TANC2: variants seen among roughly 807,000 people sequenced by gnomAD.
TANC2 encodes the protein protein TANC2.
Under a neutral mutation model 210.5 loss-of-function variants are expected in TANC2, and 26 were observed. The ratio of observed to expected loss-of-function variants is 0.12; its 90% CI spans 0.09 to 0.17. The LOEUF (loss-of-function observed/expected upper bound fraction) is 0.17. Ranked by LOEUF, TANC2 falls within the 10% of genes least tolerant of loss-of-function variation. The pLI is 1.00. For missense variants in TANC2, 2,129 were observed against 2,608.9 expected (o/e 0.82, Z 4.01); for synonymous variants, 931 against 967.1 (o/e 0.96, Z 0.69).
chr17:63,244,767 A>G (rs1027888831), intron 8 of TANC2, among the ~76,000 whole-genome samples: 1 of 152,242 alleles, frequency 6.6e-6, no homozygotes, highest in African/African-American at 2.4e-5. Context: ...TTTGAATCAT[A>G]GCTCCCACAA....
At chr17:63,190,326 C>T (rs181204960) in intron 5 of TANC2, among the ~76,000 whole-genome samples, 32 of 144,974 alleles carry the variant, frequency 2.2e-4, no homozygotes, top group Non-Finnish European at 4.0e-4. Context: ...GGCAACAGAG[C>T]GAGACCCTGT....
chr17:63,023,468 G>A (rs2034431580), intron 2 of TANC2, among the ~76,000 whole-genome samples: 1 of 152,180 alleles, frequency 6.6e-6, no homozygotes, highest in Non-Finnish European at 1.5e-5. Flanking sequence ...AGCCTCCCAC[G>A]TAGCTGAGAC....
intron 15 of TANC2, chr17:63,388,156 A>G (rs2047845410): frequency 6.6e-6 from 1 of 152,492 alleles, no homozygotes; most frequent in Non-Finnish European, 1.5e-5. Flanking sequence ...AAGCCTGGAC[A>G]TGACATATTA....
chr17:63,306,478 A>T (rs1390748575), intron 9 of TANC2, among the ~76,000 whole-genome samples: 2 of 152,220 alleles, frequency 1.3e-5, no homozygotes, highest in Non-Finnish European at 2.9e-5. Context: ...TGTACCCCAG[A>T]CTATGTACTG....
chr17:63,027,399 C>T (rs780800884), intron 2 of TANC2, among the ~76,000 whole-genome samples: 30 of 151,920 alleles, frequency 2.0e-4, no homozygotes, highest in Non-Finnish European at 3.5e-4. Context: ...GTCCTTAATA[C>T]GCTATTTTTC....
chr17:63,018,697 A>G (rs1178968753), intron 2 of TANC2, among the ~76,000 whole-genome samples: 1 of 152,136 alleles, frequency 6.6e-6, no homozygotes, highest in Non-Finnish European at 1.5e-5. Context: ...TTTTAATAAC[A>G]GTACCCCCTT....
At chr17:63,181,755 T>C (rs941464796) in intron 5 of TANC2, among the ~76,000 whole-genome samples, 4 of 152,240 alleles carry the variant, frequency 2.6e-5, no homozygotes, top group Non-Finnish European at 4.4e-5. Flanking sequence ...TTCACCAGCA[T>C]CTGTCAACCA....
chr17:63,313,012 T>C (rs2045182216), intron 9 of TANC2, among the ~76,000 whole-genome samples: 2 of 152,202 alleles, frequency 1.3e-5, no homozygotes, highest in Non-Finnish European at 2.9e-5. Context: ...TGTGCGTGTG[T>C]CTGTGTTTTC....
At chr17:63,205,400 T>C (rs2041678385) in intron 7 of TANC2, among the ~76,000 whole-genome samples, 1 of 75,390 alleles carries the variant, frequency 1.3e-5, no homozygotes, top group African/African-American at 6.0e-5. Context: ...TACAAAACAT[T>C]GCAGAAGACA....
intron 4 of TANC2, among the ~76,000 whole-genome samples, chr17:63,147,743 TCTAA>T (rs2039511761): frequency 6.6e-6 from 1 of 152,252 alleles, no homozygotes; most frequent in Non-Finnish European, 1.5e-5. Flanking sequence ...TTTATTGTTG[TCTAA>T]CTTAGACCAT....
In TANC2 at chr17:63,318,117, A is replaced by G. The variant is rs541835920; in HGVS notation, c.1442-840A>G. ...ATGAAAGAAGTCTAAATTCACTCCT[A>G]CTGGTAAGGAGTTAAATGAGGACTA... On this transcript the variant is annotated intron_variant, in intron 10 of 27. Coordinates refer to ENST00000689528, the Ensembl canonical transcript of TANC2. Among the ~76,000 whole-genome samples the G allele has an allele frequency of 7.6e-4, 115 of 152,264 alleles. 1 individual carries two copies. The highest frequency in any genetic ancestry group is 2.6e-3 in the African/African-American group (106 of 41,534).
intron 2 of TANC2, among the ~76,000 whole-genome samples, chr17:63,066,337 G>A (rs1457773477): frequency 6.6e-6 from 1 of 152,084 alleles, no homozygotes; most frequent in Non-Finnish European, 1.5e-5. Flanking sequence ...GGAGCCCTGG[G>A]TATGTGGGGC....
intron 2 of TANC2, among the ~76,000 whole-genome samples, chr17:63,025,827 TAAAA>T (rs908187551): frequency 1.4e-5 from 2 of 146,274 alleles, no homozygotes; most frequent in Admixed American, 6.8e-5. Context: ...TAAATTAAAA[TAAAA>T]TAAAATAAAA....
chr17:63,182,520 G>T, intron 5 of TANC2: 1 of 251,922 alleles, frequency 4.0e-6, no homozygotes, highest in Non-Finnish European at 7.9e-6. Context: ...CAACTTCTAT[G>T]AAAACTCATT....
At chr17:63,224,109 A>T (rs958011146) in intron 7 of TANC2, among the ~76,000 whole-genome samples, 3 of 152,032 alleles carry the variant, frequency 2.0e-5, no homozygotes, top group Admixed American at 6.6e-5. Flanking sequence ...ACTATGCCTG[A>T]TGTTAGCCTC....
chr17:63,385,625 T>C (rs1469823867), intron 15 of TANC2, among the ~76,000 whole-genome samples: 1 of 152,246 alleles, frequency 6.6e-6, no homozygotes, highest in East Asian at 1.9e-4. Flanking sequence ...AAAGAGCTTC[T>C]GAAGTAATAA....
At chr17:63,030,691 A>G (rs2034734277) in intron 2 of TANC2, among the ~76,000 whole-genome samples, 1 of 149,728 alleles carries the variant, frequency 6.7e-6, no homozygotes, top group Non-Finnish European at 1.5e-5. Context: ...AGATTCATTT[A>G]CTAATCAAAG....
intron 2 of TANC2, among the ~76,000 whole-genome samples, chr17:63,047,153 A>T (rs1046012003): frequency 6.6e-6 from 1 of 152,216 alleles, no homozygotes; most frequent in African/African-American, 2.4e-5. Context: ...GGTATACAGT[A>T]GTTGTTTTTC....
At chr17:63,025,049 G>GA (rs1206907393) in intron 2 of TANC2, among the ~76,000 whole-genome samples, 1 of 152,094 alleles carries the variant, frequency 6.6e-6, no homozygotes, top group African/African-American at 2.4e-5. Context: ...GTTTTTCATA[G>GA]AAACATATTA....
Sources: allele counts gnomAD v4.1 joint callset (sites outside exome capture counted in the v4.1 genomes callset), GRCh38; gene constraint gnomAD v4.1.1; transcripts MANE v1.5; gene names NCBI Gene and HGNC (gene_info 2026-07-23, HGNC 2026-07-21).